Variants in VWF observed in about 807,000 individuals in gnomAD.
VWF encodes the protein Factor VIII related antigen.
In VWF, 176 loss-of-function variants were observed where a neutral mutation model predicts 308.6. The observed-to-expected ratio is 0.57, with a 90% CI of 0.50 to 0.65. The LOEUF is 0.65. Among genes scored for constraint, VWF ranks in the 30% least tolerant of loss-of-function variants. VWF has a pLI of 0.00. For synonymous variants in VWF, 1,385 were observed against 1,443.4 expected (o/e 0.96, Z 0.92); for missense variants, 3,146 against 3,648.2 (o/e 0.86, Z 3.55).
At chr12:6,096,228 A>G (rs1331139763) in intron 5 of VWF, among the ~76,000 whole-genome samples, 1 of 152,056 alleles carries the variant, frequency 6.6e-6, no homozygotes, top group Non-Finnish European at 1.5e-5. Flanking sequence ...TCACTTCTCC[A>G]TGCCTTCATG....
At chr12:6,032,849 T>C (rs142555566) in intron 20 of VWF, among the ~76,000 whole-genome samples, 3 of 146,380 alleles carry the variant, frequency 2.0e-5, no homozygotes, top group African/African-American at 7.7e-5. Flanking sequence ...CATACACAGA[T>C]GCACACACAT....
Position 5,981,923 on chromosome 12 carries a change from G to A in VWF, c.7150C>T (p.Arg2384Trp), listed in dbSNP as rs145697622. The change falls in exon 42 of 52, where the codon CGG becomes TGG. Residue 2384 changes from arginine (R) to tryptophan (W), a missense_variant. Arg to Trp is a moderately radical substitution (Grantham distance 101). Coordinates refer to ENST00000261405, the MANE Select transcript of VWF (RefSeq NM_000552.5). Reference sequence around the variant, plus strand: ...TACTCATCACAGCACTGGGTCTTCCGAAGGGTGGGCAAACGGTGCGGGGGG... The same window carrying A: ...TACTCATCACAGCACTGGGTCTTCCAAAGGGTGGGCAAACGGTGCGGGGGG... ...SCPPHRLPTL[R>W]KTQCCDEYEC... The A allele has an allele frequency of 1.9e-4, 306 of 1,577,726 alleles. No individual in the cohort carries two copies. The African/African-American group carries it at 2.2e-3, about 11-fold the overall frequency.
intron 34 of VWF, among the ~76,000 whole-genome samples, chr12:6,001,668 C>T (rs1402665555): frequency 6.6e-6 from 1 of 152,110 alleles, no homozygotes; most frequent in African/African-American, 2.4e-5. Flanking sequence ...ACATCCCTTT[C>T]AGAACCAGAT....
chr12:6,022,574 C>A (rs1270112846), intron 26 of VWF, among the ~76,000 whole-genome samples, 166 bp downstream of exon 26: 2 of 134,854 alleles, frequency 1.5e-5, no homozygotes, highest in African/African-American at 5.8e-5. Flanking sequence ...AGAAAAATCA[C>A]GACTGTCCTG....
chr12:6,041,739 G>A (rs922361689), intron 18 of VWF, among the ~76,000 whole-genome samples: 7 of 152,138 alleles, frequency 4.6e-5, no homozygotes, highest in South Asian at 4.1e-4. Context: ...GAGCCACTGC[G>A]CCCAGCTGAA....
chr12:6,113,329 G>C (rs371199790), intron 3 of VWF, among the ~76,000 whole-genome samples: 1 of 146,466 alleles, frequency 6.8e-6, no homozygotes, highest in Non-Finnish European at 1.5e-5. Flanking sequence ...ACAGAGTCTC[G>C]CTCTGTCGCC....
chr12:6,056,863 G>T lies in VWF; in HGVS notation c.1939C>A (p.Arg647Ser). 2.1e-6 allele frequency: 3 copies of T among 1,449,082 alleles called. No homozygotes were observed. Among genetic ancestry groups the T allele is most frequent in the East Asian group, 2.8e-5 (1 of 36,250 alleles). The allele number at this position is 1,449,082 out of a possible 1,614,324, so 89.8% of individuals were successfully genotyped here. Residue 647 changes from arginine to serine, a missense_variant, in exon 15 of 52, where the codon CGC becomes AGC. By Grantham distance (110) the Arg-to-Ser change is moderately radical. This residue lies in a region of VWF where 1,304 missense variants were observed against 1,353.0 expected (regional missense o/e 0.96). Coordinates refer to ENST00000261405, the MANE Select transcript of VWF (RefSeq NM_000552.5). ...GGGCAGGGAGGGCACGCACCACAGC[G>T]GCCTGGCTCGCGCCACGCGACGCGC... ...GVRVAWREPG[R>S]CELNCPKGQV...
chr12:5,960,354 A>AT (rs556385042), intron 47 of VWF, among the ~76,000 whole-genome samples: 166 of 152,240 alleles, frequency 1.1e-3, no homozygotes, highest in Middle Eastern at 3.4e-3. Context: ...TAAAAGTTGA[A>AT]TTTTATATAT....
At chr12:5,991,483 A>C (rs1943742280) in intron 38 of VWF, among the ~76,000 whole-genome samples, 1 of 152,208 alleles carries the variant, frequency 6.6e-6, no homozygotes, top group South Asian at 2.1e-4. Flanking sequence ...ACATTATGAC[A>C]CAAAATATTC....
Position 6,095,443 on chromosome 12 carries a change from G to A in VWF, c.657+17C>T, listed in dbSNP as rs1241845668. 3 of 1,613,988 alleles carry A rather than the reference G, an allele frequency of 1.9e-6. No homozygotes were observed. Among genetic ancestry groups the A allele is most frequent in the Non-Finnish European group, 2.5e-6 (3 of 1,179,924 alleles). ...ATCACACACCATCCAGGTGCACCCA[G>A]GCCAGTCCACACCCACCTTCTGCAT... On this transcript the variant is annotated intron_variant, in intron 6 of 51. Coordinates refer to ENST00000261405, the MANE Select transcript of VWF (RefSeq NM_000552.5).
intron 47 of VWF, among the ~76,000 whole-genome samples, chr12:5,956,046 A>C (rs1302370244): frequency 1.3e-5 from 2 of 152,240 alleles, no homozygotes; most frequent in Non-Finnish European, 2.9e-5. Context: ...AGTCAACAAC[A>C]GACTGCATGT....
intron 45 of VWF, among the ~76,000 whole-genome samples, chr12:5,968,702 G>A (rs1039415143): frequency 6.6e-6 from 1 of 152,172 alleles, no homozygotes; most frequent in African/African-American, 2.4e-5. Flanking sequence ...GGCTGAGGCA[G>A]GAAAAGTGCT....
intron 46 of VWF, 81 bp downstream of exon 46, chr12:5,968,046 A>C (rs374435158): frequency 5.7e-6 from 9 of 1,590,510 alleles, no homozygotes; most frequent in Admixed American, 1.7e-5. Context: ...TCTGCTTTAC[A>C]ATGACTTGCC....
At chr12:6,032,365 CAT>C (rs1421801256) in intron 20 of VWF, among the ~76,000 whole-genome samples, 89 of 148,364 alleles carry the variant, frequency 6.0e-4, no homozygotes, top group Middle Eastern at 7.8e-3. Context: ...AGAGGCCGGG[CAT>C]GGTGGCCCAC....
intron 18 of VWF, among the ~76,000 whole-genome samples, chr12:6,039,405 C>T (rs1274438825): frequency 6.6e-6 from 1 of 152,198 alleles, no homozygotes; most frequent in Non-Finnish European, 1.5e-5. Flanking sequence ...ACCATCGTGA[C>T]CCACTCTCCA....
At chr12:6,014,214 C>CA (rs1213914518) in intron 31 of VWF, among the ~76,000 whole-genome samples, 3 of 151,872 alleles carry the variant, frequency 2.0e-5, no homozygotes, top group Non-Finnish European at 4.4e-5. Context: ...GAGGGACAAG[C>CA]AAGAGAGGGA....
intron 2 of VWF, among the ~76,000 whole-genome samples, chr12:6,121,920 G>C (rs983738765): frequency 5.3e-5 from 8 of 151,322 alleles, no homozygotes; most frequent in African/African-American, 1.9e-4. Context: ...GACAGAGTGA[G>C]ACTCTGTCTC....
intron 15 of VWF, among the ~76,000 whole-genome samples, chr12:6,055,793 C>CACACACACAT (rs905257204): frequency 6.6e-6 from 1 of 151,360 alleles, no homozygotes; most frequent in African/African-American, 2.4e-5. Context: ...CACACACACA[C>CACACACACAT]ACACAGGGTC....
At chr12:5,992,598 TTTG>T (rs1943757680) in intron 37 of VWF, among the ~76,000 whole-genome samples, 1 of 152,230 alleles carries the variant, frequency 6.6e-6, no homozygotes, top group East Asian at 1.9e-4. Flanking sequence ...CTTAGTAGGT[TTTG>T]TTGTCCTTTT....
Sources: gnomAD v4.1 joint callset for allele counts (sites outside exome capture counted in the v4.1 genomes callset) on GRCh38, gnomAD v4.1.1 for gene constraint, gnomAD v4.1.1 regional missense constraint, MANE v1.5 for transcripts, NCBI Gene and HGNC (gene_info 2026-07-23, HGNC 2026-07-21) for gene names.